Variants in GRID1 observed in about 807,000 individuals in gnomAD.
The protein encoded by GRID1 is glutamate receptor ionotropic, delta-1.
Under a neutral mutation model 98.0 loss-of-function variants are expected in GRID1, and 28 were observed. The ratio of observed to expected loss-of-function variants is 0.29; its 90% CI spans 0.21 to 0.39. The LOEUF is 0.39. Among genes scored for constraint, GRID1 ranks in the 10% least tolerant of loss-of-function variants. The pLI is 1.00. For synonymous variants in GRID1, 553 were observed against 538.5 expected (o/e 1.03, Z -0.37); for missense variants, 1,111 against 1,340.5 (o/e 0.83, Z 2.67).
intron 4 of GRID1, among the ~76,000 whole-genome samples, chr10:86,037,333 C>T (rs1400538785): frequency 1.3e-5 from 2 of 152,200 alleles, no homozygotes; most frequent in African/African-American, 4.8e-5. Flanking sequence ...TGATCAAGAA[C>T]ATGCAAGCTT....
At chr10:85,749,103 AT>A (rs1842023525) in intron 8 of GRID1, among the ~76,000 whole-genome samples, 1 of 152,042 alleles carries the variant, frequency 6.6e-6, no homozygotes, top group South Asian at 2.1e-4. Context: ...AGATATCCCT[AT>A]TTTTACTCGG....
intron 2 of GRID1, among the ~76,000 whole-genome samples, chr10:86,296,516 A>T (rs1342787593): frequency 6.6e-6 from 1 of 152,194 alleles, no homozygotes; most frequent in Non-Finnish European, 1.5e-5. Flanking sequence ...AGGCAGGCAG[A>T]TCACTTGAGA....
chr10:85,930,634 C>CT (rs1210305275), intron 4 of GRID1, among the ~76,000 whole-genome samples: 1 of 150,884 alleles, frequency 6.6e-6, no homozygotes, highest in African/African-American at 2.4e-5. Flanking sequence ...GGTATTTTGA[C>CT]TTTATTTTTT....
intron 3 of GRID1, among the ~76,000 whole-genome samples, chr10:86,193,785 GGCATGTCCCTCAGT>G (rs1260134589): frequency 1.3e-5 from 2 of 151,888 alleles, no homozygotes; most frequent in East Asian, 3.9e-4. Flanking sequence ...CCACCAGAGA[GGCATGTCCCTCAGT>G]GCAGGATACA....
chr10:85,703,818 T>C (rs531352553), intron 12 of GRID1, among the ~76,000 whole-genome samples: 27 of 152,088 alleles, frequency 1.8e-4, no homozygotes, highest in Non-Finnish European at 3.2e-4. Context: ...TTAAAAATTC[T>C]CCTTTAAAAT....
At chr10:85,983,876 G>T (rs937680883) in intron 4 of GRID1, among the ~76,000 whole-genome samples, 2 of 152,206 alleles carry the variant, frequency 1.3e-5, no homozygotes, top group Non-Finnish European at 1.5e-5. Context: ...TAAAGAAAAG[G>T]CCCTTTCTTT....
intron 4 of GRID1, among the ~76,000 whole-genome samples, chr10:85,942,012 C>T (rs1842002447): frequency 6.6e-6 from 1 of 152,192 alleles, no homozygotes; most frequent in African/African-American, 2.4e-5. Context: ...TCCATGCTAG[C>T]TTGAACCTAG....
At chr10:86,198,703 G>GCT (rs1482698527) in intron 3 of GRID1, among the ~76,000 whole-genome samples, 1 of 152,206 alleles carries the variant, frequency 6.6e-6, no homozygotes, top group African/African-American at 2.4e-5. Flanking sequence ...CAAGAAGACT[G>GCT]CTCTGGAGCC....
At position 86,206,347 on chromosome 10, in the gene GRID1, C is replaced by T. The variant is rs1564706165; in HGVS notation, c.520+17G>A. 1.3e-6 allele frequency: 2 copies of T among 1,575,714 alleles called. No individual in the cohort carries two copies. Among genetic ancestry groups the T allele is most frequent in the Non-Finnish European group, 1.7e-6 (2 of 1,157,510 alleles). On this transcript the variant is annotated intron_variant, in intron 3 of 15. Coordinates refer to ENST00000327946, the MANE Select transcript of GRID1 (RefSeq NM_017551.3). This position sits in a 1 kb window ranked among gnomAD's most constrained non-coding sequence, Gnocchi z 4.1. ...CCTGTCCCCAAGCAGCCCCAGCTCG[C>T]CTGCCGGACAACTCACCATACTCGC...
intron 2 of GRID1, among the ~76,000 whole-genome samples, chr10:86,210,604 C>T (rs1846094265): frequency 1.3e-5 from 2 of 152,190 alleles, no homozygotes; most frequent in Admixed American, 6.5e-5. Flanking sequence ...TCGCCCTCCC[C>T]GTGGAGGTGA....
At chr10:86,292,650 G>A (rs537323224) in intron 2 of GRID1, among the ~76,000 whole-genome samples, 92 of 152,312 alleles carry the variant, frequency 6.0e-4, no homozygotes, top group African/African-American at 2.1e-3. Flanking sequence ...TTCCGTGTGT[G>A]CATGTGAATG....
At chr10:86,051,885 T>C (rs566268656) in intron 4 of GRID1, among the ~76,000 whole-genome samples, 1 of 152,336 alleles carries the variant, frequency 6.6e-6, no homozygotes, top group Non-Finnish European at 1.5e-5. Context: ...TTGCAGTATC[T>C]ACCAAAATTA....
At chr10:85,747,901 GTCT>G (rs1433152426) in intron 8 of GRID1, among the ~76,000 whole-genome samples, 1 of 152,194 alleles carries the variant, frequency 6.6e-6, no homozygotes, top group Non-Finnish European at 1.5e-5. Flanking sequence ...GTACCAGTAA[GTCT>G]TCTTTAGTTT....
chr10:85,694,917 A>T (rs1408263938), intron 12 of GRID1, among the ~76,000 whole-genome samples: 1 of 152,000 alleles, frequency 6.6e-6, no homozygotes, highest in Admixed American at 6.6e-5. Flanking sequence ...ACTACACAAG[A>T]TAGCCATGTA....
intron 5 of GRID1, among the ~76,000 whole-genome samples, chr10:85,912,763 T>C (rs1841558276): frequency 6.6e-6 from 1 of 152,222 alleles, no homozygotes; most frequent in Non-Finnish European, 1.5e-5. Flanking sequence ...CTGGAGCATG[T>C]TGGAAAGTGA....
At chr10:85,945,363 A>C (rs1243926239) in intron 4 of GRID1, among the ~76,000 whole-genome samples, 1 of 152,152 alleles carries the variant, frequency 6.6e-6, no homozygotes, top group Non-Finnish European at 1.5e-5. Flanking sequence ...AATTTTTTTT[A>C]AATCTTGGTT....
intron 8 of GRID1, among the ~76,000 whole-genome samples, chr10:85,767,571 GT>G (rs1181065953): frequency 6.6e-6 from 1 of 152,210 alleles, no homozygotes; most frequent in African/African-American, 2.4e-5. Flanking sequence ...TTTTGCTGAA[GT>G]TTTGGGCCTG....
chr10:85,614,661 G>T (rs1564677876), intron 14 of GRID1, among the ~76,000 whole-genome samples: 2 of 152,140 alleles, frequency 1.3e-5, no homozygotes, highest in African/African-American at 4.8e-5. Flanking sequence ...CAGAAAAATG[G>T]CCAGTGAGAC....
intron 12 of GRID1, among the ~76,000 whole-genome samples, chr10:85,702,726 G>A (rs1841466443): frequency 6.6e-6 from 1 of 150,978 alleles, no homozygotes; most frequent in Non-Finnish European, 1.5e-5. Context: ...AGGAAAAGGA[G>A]AACAAAAAGA....
Sources: gnomAD v4.1 joint callset for allele counts (sites outside exome capture counted in the v4.1 genomes callset) on GRCh38, gnomAD v4.1.1 for gene constraint, Gnocchi (gnomAD v3.1) non-coding constraint, MANE v1.5 for transcripts, NCBI Gene and HGNC (gene_info 2026-07-23, HGNC 2026-07-21) for gene names.